PCDH15: variants seen among roughly 807,000 people sequenced by gnomAD.
PCDH15 encodes the protein protocadherin-15.
A neutral mutation model predicts 178.5 loss-of-function variants in PCDH15; 129 were observed. That is an observed-to-expected ratio of 0.72 (90% CI 0.63 to 0.84). The LOEUF is 0.84. Among genes scored for constraint, PCDH15 ranks in the 40% least tolerant of loss-of-function variants. PCDH15 has a pLI of 0.00. For missense variants in PCDH15, 2,230 were observed against 2,099.9 expected (o/e 1.06, Z -1.21); for synonymous variants, 800 against 732.0 (o/e 1.09, Z -1.50).
intron 1 of PCDH15, among the ~76,000 whole-genome samples, chr10:55,291,889 C>T (rs1312638199): frequency 6.6e-6 from 1 of 152,036 alleles, no homozygotes; most frequent in Non-Finnish European, 1.5e-5. Flanking sequence ...GGGAAACTGC[C>T]CCCTATAAAA....
chr10:53,816,227 G>A lies in PCDH15; in HGVS notation c.4491+12C>T, dbSNP rs4935471. 0.2 allele frequency: 81,468 copies of A among 398,570 alleles called. 13,355 individuals are homozygous for A. Among genetic ancestry groups the A allele is most frequent in the East Asian group, 0.73 (20,327 of 27,996 alleles). The allele number at this position is 398,570 out of a possible 1,614,324, so 24.7% of individuals were successfully genotyped here. A position where few individuals can be genotyped will look rare whatever the true frequency, so the allele number is the denominator to read the frequency against. ...GGCTCAGTGAGGTTGAAAAGAAAAT[G>A]AAAATTGATACCTCTGGTTTAAGAA... On this transcript the variant is annotated intron_variant, in intron 35 of 37. Transcript: ENST00000644397.
intron 1 of PCDH15, among the ~76,000 whole-genome samples, chr10:54,762,879 T>C (rs890886619): frequency 5.9e-5 from 9 of 152,204 alleles, no homozygotes; most frequent in African/African-American, 2.2e-4. Context: ...AATACAATTG[T>C]GAAACACATA....
chr10:53,910,614 G>A (rs1283993930), intron 25 of PCDH15, among the ~76,000 whole-genome samples: 2 of 152,166 alleles, frequency 1.3e-5, no homozygotes, highest in African/African-American at 4.8e-5. Flanking sequence ...CTCCTCCAAA[G>A]GATCACAGCT....
intron 2 of PCDH15, among the ~76,000 whole-genome samples, chr10:55,339,095 G>A (rs572093118): frequency 6.6e-6 from 1 of 152,094 alleles, no homozygotes; most frequent in Non-Finnish European, 1.5e-5. Context: ...TGTGATCATA[G>A]TTAACAAGAA....
chr10:54,720,285 T>C (rs940308544), intron 1 of PCDH15, among the ~76,000 whole-genome samples: 32 of 152,184 alleles, frequency 2.1e-4, no homozygotes, highest in African/African-American at 7.7e-4. Flanking sequence ...GGGAGAAATT[T>C]GGACATCTAG....
intron 16 of PCDH15, among the ~76,000 whole-genome samples, chr10:54,083,696 C>T (rs1483844628): frequency 6.6e-6 from 1 of 152,126 alleles, no homozygotes; most frequent in Admixed American, 6.6e-5. Flanking sequence ...TATTTTAGAA[C>T]TAGACAGAGT....
At chr10:53,829,543 G>A (rs551022727) in intron 30 of PCDH15, among the ~76,000 whole-genome samples, 3 of 152,266 alleles carry the variant, frequency 2.0e-5, no homozygotes, top group Non-Finnish European at 2.9e-5. Flanking sequence ...ATAATGGGTT[G>A]ATGGCTTAAT....
At position 55,040,494 on chromosome 10, in the gene PCDH15, TACAACAACA is replaced by T. The variant is rs71461272; in HGVS notation, c.-80+126073_-80+126081del. ...TGAATCAAAAAAAAACCAAAACAAC[TACAACAACA>T]ACAACAACAACAACAACAACAAAAA... On this transcript the variant is annotated intron_variant, in intron 2 of 5. Coordinates refer to the PCDH15 transcript ENST00000458638. Among the ~76,000 whole-genome samples, 1,171 of 149,838 alleles carry T rather than the reference TACAACAACA, an allele frequency of 7.8e-3. 7 individuals carry two copies. The highest frequency in any genetic ancestry group is 0.034 in the East Asian group (173 of 5,050).
chr10:54,855,734 T>A (rs1460176798), intron 3 of PCDH15, among the ~76,000 whole-genome samples: 1 of 152,220 alleles, frequency 6.6e-6, no homozygotes, highest in Non-Finnish European at 1.5e-5. Flanking sequence ...AATATGATCA[T>A]CCTGCAAGGC....
At chr10:54,071,256 G>A (rs1911415) in intron 17 of PCDH15, among the ~76,000 whole-genome samples, 55,005 of 151,848 alleles carry the variant, frequency 0.36, 11,006 homozygotes, top group Middle Eastern at 0.52. Flanking sequence ...AGATAACTGG[G>A]TTTTCTGATT....
chr10:54,379,879 G>A (rs1275898928), intron 3 of PCDH15, among the ~76,000 whole-genome samples: 3 of 151,900 alleles, frequency 2.0e-5, no homozygotes, highest in Non-Finnish European at 2.9e-5. Context: ...TAGAATAAAT[G>A]GCAACTATCG....
At chr10:55,624,908 GA>G (rs925412257) in intron 2 of PCDH15, among the ~76,000 whole-genome samples, 9 of 151,686 alleles carry the variant, frequency 5.9e-5, no homozygotes, top group African/African-American at 9.7e-5. Flanking sequence ...AAATTTACTA[GA>G]AAAAAAATGA....
chr10:54,743,378 G>C (rs1260753635), intron 1 of PCDH15, among the ~76,000 whole-genome samples: 3 of 151,992 alleles, frequency 2.0e-5, no homozygotes, highest in Admixed American at 6.6e-5. Flanking sequence ...GGTCTCGTAA[G>C]TCAGCACTTC....
At chr10:55,398,364 C>A (rs936479977) in intron 2 of PCDH15, among the ~76,000 whole-genome samples, 10 of 151,992 alleles carry the variant, frequency 6.6e-5, no homozygotes, top group African/African-American at 1.9e-4. Context: ...TGGGGTTAGG[C>A]CAACAAAGAA....
rs192683976 is a variant in PCDH15 at position 55,283,271 on chromosome 10, C to T, written c.-156+36328G>A. Among the ~76,000 whole-genome samples, 319 of 152,150 alleles carry T rather than the reference C, an allele frequency of 2.1e-3. 2 individuals are homozygous for T. The highest frequency in any genetic ancestry group is 7.1e-3 in the African/African-American group (294 of 41,514). ...GGCCCTTACCCAAGAAATGACTCAG[C>T]GCACGAGGACAGCTTCAACTCCCTA... On this transcript the variant is annotated intron_variant, in intron 1 of 5. Coordinates refer to the PCDH15 transcript ENST00000458638.
At position 54,531,128 on chromosome 10, in the gene PCDH15, G is replaced by C. The variant is rs188749407; in HGVS notation, c.92-3251C>G. ...TCTGTGGATCATCTGTCTGCCACAGGAAAGTCAGGTGAGCTGCTGATACCT... is the reference window on the plus strand; with the variant it reads ...TCTGTGGATCATCTGTCTGCCACAGCAAAGTCAGGTGAGCTGCTGATACCT... On this transcript the variant is annotated intron_variant, in intron 2 of 37. Coordinates refer to ENST00000644397, the MANE Select transcript of PCDH15 (RefSeq NM_001384140.1). 3.3e-3 allele frequency among the ~76,000 whole-genome samples: 509 copies of C among 152,288 alleles called. 2 individuals carry two copies. The highest frequency in any genetic ancestry group is 6.8e-3 in the Middle Eastern group (2 of 294).
chr10:55,406,771 A>G (rs1838206464), intron 2 of PCDH15, among the ~76,000 whole-genome samples: 1 of 151,912 alleles, frequency 6.6e-6, no homozygotes, highest in African/African-American at 2.4e-5. Context: ...CTTGAAATGC[A>G]TGAGACTGAC....
intron 3 of PCDH15, among the ~76,000 whole-genome samples, chr10:54,426,261 G>A (rs1791884418): frequency 6.6e-6 from 1 of 152,070 alleles, no homozygotes; most frequent in African/African-American, 2.4e-5. Context: ...TTGGTACCAG[G>A]GATTCATTTT....
chr10:54,501,347 TA>T (rs777135800), intron 3 of PCDH15, among the ~76,000 whole-genome samples: 6 of 151,508 alleles, frequency 4.0e-5, no homozygotes, highest in Admixed American at 6.6e-5. Flanking sequence ...TATTGGGAAA[TA>T]AAAAAAAGAT....
Sources: allele counts gnomAD v4.1 joint callset (sites outside exome capture counted in the v4.1 genomes callset), GRCh38; gene constraint gnomAD v4.1.1; transcripts MANE v1.5; gene names NCBI Gene and HGNC (gene_info 2026-07-23, HGNC 2026-07-21).